Variants in WWOX observed in about 807,000 individuals in gnomAD.
WWOX encodes WW domain containing oxidoreductase.
Under a neutral mutation model 46.2 loss-of-function variants are expected in WWOX, and 69 were observed. The ratio of observed to expected loss-of-function variants is 1.49; its 90% CI spans 1.23 to 1.82. The LOEUF (loss-of-function observed/expected upper bound fraction) is 1.82. WWOX is among the 40% of genes most tolerant of loss of function. The probability of loss-of-function intolerance (pLI) is 0.00; values close to 1 mark genes in which losing one functional copy is unlikely to be tolerated. For missense variants in WWOX, 919 were observed against 542.6 expected (o/e 1.69, Z -6.89); for synonymous variants, 359 against 202.6 (o/e 1.77, Z -6.56).
chr16:78,886,413 C>T (rs976129580), intron 8 of WWOX, among the ~76,000 whole-genome samples: 6 of 151,842 alleles, frequency 4.0e-5, no homozygotes, highest in African/African-American at 1.4e-4. Context: ...TGAATGGTGG[C>T]TTCACAAAAG....
intron 8 of WWOX, among the ~76,000 whole-genome samples, chr16:78,726,184 C>G (rs1164560803): frequency 1.4e-5 from 2 of 146,738 alleles, no homozygotes; most frequent in South Asian, 4.4e-4. Context: ...TTCTCTCTCT[C>G]TCTCTTTCCT....
chr16:78,662,975 C>G (rs1055316844), intron 8 of WWOX, among the ~76,000 whole-genome samples: 6 of 152,128 alleles, frequency 3.9e-5, no homozygotes, highest in South Asian at 2.1e-4. Flanking sequence ...TCTTGGAAGT[C>G]ACATCCTATC....
chr16:78,595,412 G>A (rs2045464891), intron 8 of WWOX, among the ~76,000 whole-genome samples: 1 of 152,016 alleles, frequency 6.6e-6, no homozygotes, highest in South Asian at 2.1e-4. Context: ...CCTCCCTGCA[G>A]CCTGTGGAAC....
At position 78,540,601 on chromosome 16, in the gene WWOX, G is replaced by C. The variant is rs145252289; in HGVS notation, c.1056+107849G>C. On this transcript the variant is annotated intron_variant, in intron 8 of 8. Transcript: ENST00000566780. ...TCTCTGACTCTGAAATCTGCATGGA[G>C]TGGTTACACCCTGGGCTTGTTAGCT... Among the ~76,000 whole-genome samples the C allele has an allele frequency of 1.7e-4, 26 of 152,210 alleles. 1 individual carries two copies. Among genetic ancestry groups the C allele is most frequent in the East Asian group, 1.2e-3 (6 of 5,178 alleles).
chr16:78,139,271 GCAGCATTTAA>G (rs761939689), intron 4 of WWOX, among the ~76,000 whole-genome samples: 5 of 152,206 alleles, frequency 3.3e-5, no homozygotes, highest in Non-Finnish European at 1.5e-5. Flanking sequence ...CTGCAAGGAG[GCAGCATTTAA>G]CTGATTAGAA....
intron 8 of WWOX, among the ~76,000 whole-genome samples, chr16:79,103,215 G>C (rs891504277): frequency 6.6e-6 from 1 of 152,216 alleles, no homozygotes; most frequent in Non-Finnish European, 1.5e-5. Flanking sequence ...ATTGACTGCA[G>C]TGTTGCCGAA....
chr16:78,643,821 A>C (rs2046779369), intron 8 of WWOX, among the ~76,000 whole-genome samples: 1 of 120,276 alleles, frequency 8.3e-6, no homozygotes, highest in Non-Finnish European at 2.0e-5. Flanking sequence ...AAAGCCCCCT[A>C]ACTCCAAAAA....
chr16:78,735,499 C>G (rs764722284), intron 8 of WWOX, among the ~76,000 whole-genome samples: 1 of 152,068 alleles, frequency 6.6e-6, no homozygotes, highest in Admixed American at 6.5e-5. Context: ...TGCTTGAACT[C>G]GAGGACTTAT....
intron 8 of WWOX, among the ~76,000 whole-genome samples, chr16:78,960,600 T>G (rs540702334): frequency 6.6e-6 from 1 of 152,166 alleles, no homozygotes; most frequent in African/African-American, 2.4e-5. Context: ...AACAGATCCA[T>G]TGGTCAGAAA....
chr16:78,566,065 A>G (rs942545363), intron 8 of WWOX, among the ~76,000 whole-genome samples: 2 of 152,082 alleles, frequency 1.3e-5, no homozygotes, highest in African/African-American at 2.4e-5. Flanking sequence ...CCATGGGCAC[A>G]TTCTGTGCCT....
intron 5 of WWOX, among the ~76,000 whole-genome samples, chr16:78,236,042 C>T (rs949489205): frequency 3.9e-5 from 6 of 152,144 alleles, no homozygotes; most frequent in Non-Finnish European, 7.4e-5. Context: ...TATAAATGGA[C>T]GGATGTGTTC....
At chr16:78,250,452 G>A (rs1177120969) in intron 5 of WWOX, among the ~76,000 whole-genome samples, 4 of 151,660 alleles carry the variant, frequency 2.6e-5, no homozygotes, top group African/African-American at 9.7e-5. Flanking sequence ...TCTTCCATTT[G>A]ACATGCCTGG....
chr16:78,869,349 A>C (rs2044076246), intron 8 of WWOX, among the ~76,000 whole-genome samples: 1 of 152,158 alleles, frequency 6.6e-6, no homozygotes, highest in African/African-American at 2.4e-5. Context: ...CTACTTTTCC[A>C]AGCATCCAGA....
At chr16:78,609,187 A>T (rs967231873) in intron 8 of WWOX, among the ~76,000 whole-genome samples, 1 of 152,246 alleles carries the variant, frequency 6.6e-6, no homozygotes, top group African/African-American at 2.4e-5. Context: ...TATTTGGTGA[A>T]AACTAGGAAG....
intron 8 of WWOX, among the ~76,000 whole-genome samples, chr16:78,446,745 C>T (rs1261342166): frequency 6.8e-6 from 1 of 147,586 alleles, no homozygotes; most frequent in East Asian, 2.0e-4. Flanking sequence ...ACTGCAGCCT[C>T]CGCCTCCCAA....
chr16:78,295,628 T>C (rs1243639089), intron 5 of WWOX, among the ~76,000 whole-genome samples: 2 of 152,174 alleles, frequency 1.3e-5, no homozygotes, highest in African/African-American at 4.8e-5. Context: ...GGAGAATCGC[T>C]TGAACCCAGG....
chr16:78,213,957 C>G (rs1346284557), intron 5 of WWOX, among the ~76,000 whole-genome samples: 2 of 152,140 alleles, frequency 1.3e-5, no homozygotes, highest in Non-Finnish European at 2.9e-5. Context: ...CCGCGCCTCC[C>G]CTGTACAGCT....
chr16:78,113,212 C>T (rs2032593842), intron 3 of WWOX, among the ~76,000 whole-genome samples: 1 of 152,196 alleles, frequency 6.6e-6, no homozygotes, highest in South Asian at 2.1e-4. Context: ...CCCAGACCTA[C>T]TGAATCAGCA....
intron 8 of WWOX, among the ~76,000 whole-genome samples, chr16:78,595,298 TC>T (rs111662303): frequency 0.14 from 20,124 of 147,402 alleles, 2,093 homozygotes; most frequent in African/African-American, 0.31. Context: ...TTTTTTTTTT[TC>T]CTCCTTTTTC....
Sources: gnomAD v4.1 joint callset for allele counts (sites outside exome capture counted in the v4.1 genomes callset) on GRCh38, gnomAD v4.1.1 for gene constraint, MANE v1.5 for transcripts, NCBI Gene and HGNC (gene_info 2026-07-23, HGNC 2026-07-21) for gene names.